Variants in NCKAP5 observed in about 807,000 individuals in gnomAD.
The protein encoded by NCKAP5 is NCK associated protein 5.
A neutral mutation model predicts 167.0 loss-of-function variants in NCKAP5; 92 were observed. The observed-to-expected ratio is 0.55, with a 90% CI of 0.47 to 0.66. The LOEUF is 0.66. Among genes scored for constraint, NCKAP5 ranks in the 30% least tolerant of loss-of-function variants. NCKAP5 has a pLI of 0.00. For missense variants in NCKAP5, 2,378 were observed against 2,315.0 expected, an observed-to-expected ratio of 1.03 and a Z score of -0.56; for synonymous variants, 891 against 877.4, an observed-to-expected ratio of 1.02 and a Z score of -0.27.
At chr2:133,672,814 G>A in the NCKAP5 span, among the ~76,000 whole-genome samples, 1 of 152,146 alleles carries the variant, frequency 6.6e-6, no homozygotes, top group Non-Finnish European at 1.5e-5. Flanking sequence ...GAAGGAGATT[G>A]GACTTGACTT....
intron 16 of NCKAP5, among the ~76,000 whole-genome samples, chr2:132,772,053 C>T (rs1162273464): frequency 6.6e-6 from 1 of 151,868 alleles, no homozygotes; most frequent in African/African-American, 2.4e-5. Context: ...TAGACAAATA[C>T]TTACCATTGT....
At chr2:133,661,088 C>T in the NCKAP5 span, among the ~76,000 whole-genome samples, 1 of 151,884 alleles carries the variant, frequency 6.6e-6, no homozygotes. Flanking sequence ...AGACTGTTCT[C>T]GGGGTGCACT....
chr2:133,271,474 G>GTTAGA (rs1416818919), intron 4 of NCKAP5, among the ~76,000 whole-genome samples: 1 of 152,074 alleles, frequency 6.6e-6, no homozygotes, highest in Admixed American at 6.6e-5. Context: ...AAAAAAACAT[G>GTTAGA]TTTAATCTGA....
chr2:133,049,422 G>A (rs928765517), intron 6 of NCKAP5, among the ~76,000 whole-genome samples: 1 of 151,836 alleles, frequency 6.6e-6, no homozygotes, highest in Admixed American at 6.6e-5. Flanking sequence ...GCAGGCGCCT[G>A]TAGTCACAGC....
At chr2:133,274,838 TA>T (rs1429554409) in intron 4 of NCKAP5, among the ~76,000 whole-genome samples, 1 of 151,886 alleles carries the variant, frequency 6.6e-6, no homozygotes, top group African/African-American at 2.4e-5. Flanking sequence ...AAACTCAGAT[TA>T]AAAACTAAAC....
intron 4 of NCKAP5, among the ~76,000 whole-genome samples, chr2:133,238,985 T>C (rs906223777): frequency 6.6e-6 from 1 of 152,224 alleles, no homozygotes; most frequent in Non-Finnish European, 1.5e-5. Flanking sequence ...CCAATTCCTT[T>C]ATGAGGTCCT....
At chr2:133,609,585 A>G in the NCKAP5 span, among the ~76,000 whole-genome samples, 1 of 152,072 alleles carries the variant, frequency 6.6e-6, no homozygotes. Flanking sequence ...TCTAGGGGCC[A>G]TAAGTGGAGC....
chr2:132,692,912 A>G lies in NCKAP5; in HGVS notation c.5714-19607T>C, dbSNP rs1400653249. On this transcript the variant is annotated intron_variant, in intron 19 of 19. Coordinates refer to ENST00000409261, the MANE Select transcript of NCKAP5 (RefSeq NM_207363.3). ...CCTATGTTCAGTGCACTTGGAACTG[A>G]TGTGGTCAGGGAACCATACAGACTG... is the stretch of plus-strand genomic sequence containing the variant. 2.6e-5 allele frequency among the ~76,000 whole-genome samples: 4 copies of G among 152,122 alleles called. No homozygotes were observed. The East Asian group carries it at 7.7e-4, about 29-fold the overall frequency.
At chr2:133,508,828 A>G (rs562553376) in intron 3 of NCKAP5, among the ~76,000 whole-genome samples, 1 of 152,368 alleles carries the variant, frequency 6.6e-6, no homozygotes, top group South Asian at 2.1e-4. Flanking sequence ...CTAAGAACAC[A>G]TGGAACATGC....
At chr2:133,485,054 T>C (rs1680787546) in intron 3 of NCKAP5, among the ~76,000 whole-genome samples, 1 of 152,208 alleles carries the variant, frequency 6.6e-6, no homozygotes, top group Non-Finnish European at 1.5e-5. Context: ...ATGCCTATCA[T>C]TCCATCATTC....
chr2:133,615,121 G>A, the NCKAP5 span, among the ~76,000 whole-genome samples: 2 of 151,648 alleles, frequency 1.3e-5, no homozygotes, highest in Non-Finnish European at 2.9e-5. Context: ...TCACCACCAG[G>A]CCTGCCCTAA....
chr2:133,266,461 G>A (rs933742375), intron 4 of NCKAP5: 1 of 152,692 alleles, frequency 6.5e-6, no homozygotes, highest in Non-Finnish European at 1.5e-5. Flanking sequence ...GGGCTAGGGT[G>A]GCGGCGCGCA....
In NCKAP5 at chr2:133,198,127, G is replaced by C. The variant is rs139752722; in HGVS notation, c.207+15589C>G. On this transcript the variant is annotated intron_variant, in intron 5 of 19. Transcript: ENST00000409261. ...GAATCAATTAATGTGAAAATATATAGATAGGCATTATCCAATATGTTCAAA... is the reference window on the plus strand; with the variant it reads ...GAATCAATTAATGTGAAAATATATACATAGGCATTATCCAATATGTTCAAA... Among the ~76,000 whole-genome samples, 453 of 152,138 alleles carry C rather than the reference G, an allele frequency of 3.0e-3. 1 individual carries two copies. The highest frequency in any genetic ancestry group is 0.01 in the African/African-American group (427 of 41,510).
chr2:133,608,989 C>G, the NCKAP5 span, among the ~76,000 whole-genome samples: 1 of 152,190 alleles, frequency 6.6e-6, no homozygotes, highest in Non-Finnish European at 1.5e-5. Flanking sequence ...TTTGCACAAA[C>G]TATCTAATCA....
chr2:132,968,913 CAGAG>C (rs1273781015), intron 7 of NCKAP5, among the ~76,000 whole-genome samples: 1 of 152,010 alleles, frequency 6.6e-6, no homozygotes, highest in Non-Finnish European at 1.5e-5. Flanking sequence ...GAGGGAGCAC[CAGAG>C]AGAGTAGCAA....
intron 3 of NCKAP5, among the ~76,000 whole-genome samples, chr2:133,342,944 T>C (rs1441458036): frequency 6.6e-6 from 1 of 152,194 alleles, no homozygotes; most frequent in East Asian, 1.9e-4. Context: ...TGAATGATGA[T>C]TTCTACAACT....
intron 11 of NCKAP5, among the ~76,000 whole-genome samples, chr2:132,814,090 G>C (rs759623693): frequency 3.9e-5 from 6 of 152,182 alleles, no homozygotes; most frequent in Non-Finnish European, 5.9e-5. Context: ...TTACATAAAT[G>C]CAATCTCTGG....
At chr2:132,924,909 T>A (rs1695731949) in intron 8 of NCKAP5, among the ~76,000 whole-genome samples, 1 of 152,164 alleles carries the variant, frequency 6.6e-6, no homozygotes, top group Non-Finnish European at 1.5e-5. Flanking sequence ...GGGATAGATT[T>A]TTTTTTTAAG....
intron 11 of NCKAP5, among the ~76,000 whole-genome samples, chr2:132,815,347 A>G (rs1255835971): frequency 1.3e-5 from 2 of 152,194 alleles, no homozygotes; most frequent in African/African-American, 4.8e-5. Context: ...TTGAGAAACT[A>G]TGGGGAAGTT....
Sources: allele counts gnomAD v4.1 joint callset (sites outside exome capture counted in the v4.1 genomes callset), GRCh38; gene constraint gnomAD v4.1.1; transcripts MANE v1.5; gene names NCBI Gene and HGNC (gene_info 2026-07-23, HGNC 2026-07-21).